The following OGT variants were observed in gnomAD, a reference collection of about 807,000 sequenced individuals.
The protein encoded by OGT is O-linked N-acetylglucosamine (GlcNAc) transferase.
A neutral mutation model predicts 75.8 loss-of-function variants in OGT; 3 were observed. The observed-to-expected ratio is 0.04, with a 90% CI of 0.02 to 0.10. The LOEUF is 0.10. Among genes scored for constraint, OGT ranks in the 10% least tolerant of loss-of-function variants. The pLI, the probability that OGT is intolerant of heterozygous loss-of-function variation, is 1.00. For synonymous variants in OGT, 257 were observed against 289.7 expected (o/e 0.89, Z 1.15); for missense variants, 260 against 824.4 (o/e 0.32, Z 8.38).
intron 15 of OGT, among the ~76,000 whole-genome samples, 171 bp from the exon 16 acceptor site, chrX:71,562,676 T>C (rs1220461651): frequency 1.8e-5 from 2 of 112,115 alleles, no homozygotes; most frequent in Non-Finnish European, 3.8e-5. Context: ...CCTCCTTGTT[T>C]ATTTACTTAT....
chrX:71,542,937 C>G (rs1212408840), intron 3 of OGT, among the ~76,000 whole-genome samples: 1 of 111,553 alleles, frequency 9.0e-6, no homozygotes, highest in Non-Finnish European at 1.9e-5. Context: ...TTAGTATTAG[C>G]CTTTTGTGCT....
intron 21 of OGT, among the ~76,000 whole-genome samples, chrX:71,569,130 C>T (rs763337342): frequency 9.0e-6 from 1 of 111,509 alleles, no homozygotes; most frequent in Non-Finnish European, 1.9e-5. Flanking sequence ...GAGATGGAGA[C>T]CATCCTGGCT....
intron 3 of OGT, among the ~76,000 whole-genome samples, chrX:71,539,785 G>T (rs1159266777): frequency 9.0e-6 from 1 of 111,690 alleles, no homozygotes; most frequent in Non-Finnish European, 1.9e-5. Flanking sequence ...TTATTAATCA[G>T]GTTGATTCTA....
chrX:71,548,119 ATCTT>A, intron 5 of OGT, 96 bp downstream of exon 5: 4 of 882,173 alleles, frequency 4.5e-6, no homozygotes, highest in Non-Finnish European at 6.4e-6. Context: ...GTGACATTAT[ATCTT>A]TGTTTCTCTG....
chrX:71,555,710 A>G lies in OGT; in HGVS notation c.925-244A>G, dbSNP rs1341572796. On this transcript the variant is annotated intron_variant, in intron 7 of 21. Coordinates refer to ENST00000373719, the MANE Select transcript of OGT (RefSeq NM_181672.3). Reference sequence around the variant, plus strand: ...AGCACTCCAGCCTGGGCAACAGAGCACGAGACTCTGTCTCAAAAAAATCAC... The same window carrying G: ...AGCACTCCAGCCTGGGCAACAGAGCGCGAGACTCTGTCTCAAAAAAATCAC... 7.3e-6 allele frequency: 3 copies of G among 409,336 alleles called. No homozygotes were observed. The African/African-American group carries it at 7.5e-5, about 10-fold the overall frequency. The allele number at this position is 409,336 out of a possible 1,213,427, so 33.7% of individuals were successfully genotyped here. A position where few individuals can be genotyped will look rare whatever the true frequency, so the allele number is the denominator to read the frequency against.
chrX:71,573,470 T>TC, intron 21 of OGT, 150 bp from the exon 22 acceptor site: 3 of 445,843 alleles, frequency 6.7e-6, no homozygotes, highest in Non-Finnish European at 1.1e-5. Context: ...ATGTGACCCT[T>TC]CCCTTTTTAG....
At chrX:71,541,155 T>C (rs971254497) in intron 3 of OGT, among the ~76,000 whole-genome samples, 2 of 112,108 alleles carry the variant, frequency 1.8e-5, no homozygotes, top group African/African-American at 3.2e-5. Flanking sequence ...TTTCTGAATC[T>C]ATAGGTTGTT....
intron 12 of OGT, 89 bp from the exon 13 acceptor site, chrX:71,559,178 T>G: frequency 1.2e-4 from 100 of 842,502 alleles, no homozygotes; most frequent in Non-Finnish European, 1.6e-4. Context: ...TCAACAGGTG[T>G]GAGGTATAGG....
chrX:71,565,959 G>A (rs1602154888), intron 19 of OGT, among the ~76,000 whole-genome samples: 1 of 112,472 alleles, frequency 8.9e-6, no homozygotes, highest in South Asian at 3.6e-4. Context: ...AGAAGGAGTC[G>A]ATCTGTACAT....
At chrX:71,572,259 A>G (rs1197491429) in intron 21 of OGT, among the ~76,000 whole-genome samples, 1 of 112,106 alleles carries the variant, frequency 8.9e-6, no homozygotes, top group South Asian at 3.7e-4. Context: ...AACTATGTCA[A>G]TATGCACTCT....
intron 21 of OGT, among the ~76,000 whole-genome samples, chrX:71,568,879 C>CA (rs1023908416): frequency 5.5e-5 from 6 of 108,730 alleles, no homozygotes; most frequent in Admixed American, 4.9e-4. Flanking sequence ...ACCAAACAAA[C>CA]AAAAAAAACC....
rs1173199428 is a variant in OGT, at chrX:71,540,317, G to A, written c.462+2245G>A. Reference sequence around the variant, plus strand: ...CAGTTCAGTACTGGTAGAACCTTGCGTCTGTTCCTTATGTTCTTGTTGACA... The same window carrying A: ...CAGTTCAGTACTGGTAGAACCTTGCATCTGTTCCTTATGTTCTTGTTGACA... On this transcript the variant is annotated intron_variant, in intron 3 of 21. Transcript: ENST00000373719. Among the ~76,000 whole-genome samples, 6 of 112,131 alleles carry A rather than the reference G, an allele frequency of 5.4e-5. No homozygotes were observed. The South Asian group carries it at 1.1e-3, about 20-fold the overall frequency.
Position 71,554,661 on chromosome X carries a change from G to A in OGT, c.728+69G>A, listed in dbSNP as rs191960599. Reference sequence around the variant, plus strand: ...GTATTGACACTTGACAGTTTGGACCGAAATGATGACAATAGTCCATTGAAG... The same window carrying A: ...GTATTGACACTTGACAGTTTGGACCAAAATGATGACAATAGTCCATTGAAG... On this transcript the variant is annotated intron_variant, in intron 6 of 21. Transcript: ENST00000373719. The A allele has an allele frequency of 3.3e-4, 278 of 853,774 alleles. 1 individual carries two copies. The highest frequency in any genetic ancestry group is 4.5e-4 in the Non-Finnish European group (257 of 576,886). The allele number at this position is 853,774 out of a possible 1,213,427, so 70.4% of individuals were successfully genotyped here.
chrX:71,543,896 C>T (rs1301334684), intron 3 of OGT, among the ~76,000 whole-genome samples: 2 of 108,166 alleles, frequency 1.8e-5, no homozygotes, highest in African/African-American at 6.7e-5. Context: ...AACCGATTCT[C>T]CTGCTTAAGC....
At chrX:71,546,533 G>T in intron 4 of OGT, 2 of 754,249 alleles carry the variant, frequency 2.7e-6, no homozygotes, top group Non-Finnish European at 3.1e-6. Flanking sequence ...TTGCCTCCAT[G>T]CCTGAATCTT....
chrX:71,554,064 C>T (rs982232934), intron 5 of OGT, among the ~76,000 whole-genome samples: 1 of 112,034 alleles, frequency 8.9e-6, no homozygotes, highest in African/African-American at 3.2e-5. Flanking sequence ...TTGTATCTTA[C>T]TGTGTATACA....
chrX:71,535,725 C>G (rs922782716), intron 1 of OGT, among the ~76,000 whole-genome samples: 5 of 111,672 alleles, frequency 4.5e-5, no homozygotes, highest in Non-Finnish European at 9.4e-5. Flanking sequence ...CAAATCCAAC[C>G]TGAAATATGG....
chrX:71,542,791 G>C (rs1305943097), intron 3 of OGT, among the ~76,000 whole-genome samples: 1 of 112,279 alleles, frequency 8.9e-6, no homozygotes, highest in Admixed American at 9.4e-5. Context: ...TTTCAGTTTA[G>C]AAAAAAACAT....
At chrX:71,569,076 T>C (rs188091968) in intron 21 of OGT, among the ~76,000 whole-genome samples, 1 of 111,909 alleles carries the variant, frequency 8.9e-6, no homozygotes, top group East Asian at 2.8e-4. Flanking sequence ...ACGCCTGTAA[T>C]CCCAGCACTT....
Sources: gnomAD v4.1 joint callset for allele counts (sites outside exome capture counted in the v4.1 genomes callset) on GRCh38, gnomAD v4.1.1 for gene constraint, MANE v1.5 for transcripts, NCBI Gene and HGNC (gene_info 2026-07-23, HGNC 2026-07-21) for gene names.